The following HEMK2 variants were observed in gnomAD, a reference collection of about 807,000 sequenced individuals.
HEMK2 encodes methyltransferase HEMK2.
At chr21:28,605,549 T>C in the HEMK2 span, among the ~76,000 whole-genome samples, 1 of 152,226 alleles carries the variant, frequency 6.6e-6, no homozygotes, top group Admixed American at 6.5e-5. Flanking sequence ...TTTTCAGCTC[T>C]TTAAACATGA....
the HEMK2 span, among the ~76,000 whole-genome samples, chr21:28,850,866 A>G: frequency 6.6e-6 from 1 of 151,932 alleles, no homozygotes; most frequent in Non-Finnish European, 1.5e-5. Flanking sequence ...GAACTCCCCA[A>G]GAAGCTATCA....
chr21:28,629,330 T>C, the HEMK2 span, among the ~76,000 whole-genome samples: 2 of 152,326 alleles, frequency 1.3e-5, no homozygotes, highest in East Asian at 3.9e-4. Context: ...AGTGCTGTGG[T>C]GTTGTCTCCA....
At chr21:28,791,765 C>T in the HEMK2 span, among the ~76,000 whole-genome samples, 2 of 151,920 alleles carry the variant, frequency 1.3e-5, no homozygotes, top group Admixed American at 1.3e-4. Flanking sequence ...CCACTGTGCC[C>T]AAATTACCAG....
chr21:28,876,301 T>C, the HEMK2 span: 2 of 903,380 alleles, frequency 2.2e-6, no homozygotes, highest in Non-Finnish European at 3.3e-6. Context: ...TCTGATAAAA[T>C]TCCTTGTTAC....
the HEMK2 span, among the ~76,000 whole-genome samples, chr21:28,661,720 G>A: frequency 5.3e-5 from 8 of 151,982 alleles, no homozygotes; most frequent in South Asian, 4.2e-4. Flanking sequence ...GGAACTTTAC[G>A]TGATGACAGA....
chr21:28,694,762 C>T, the HEMK2 span, among the ~76,000 whole-genome samples: 1 of 152,070 alleles, frequency 6.6e-6, no homozygotes, highest in Non-Finnish European at 1.5e-5. Context: ...AAGGCTGAGG[C>T]GGGAGGATCA....
the HEMK2 span, among the ~76,000 whole-genome samples, chr21:28,829,874 G>A: frequency 3.3e-5 from 5 of 152,010 alleles, no homozygotes; most frequent in Non-Finnish European, 5.9e-5. Flanking sequence ...TTTCATTTTG[G>A]CAAACTGTCA....
At chr21:28,879,487 C>T in the HEMK2 span, among the ~76,000 whole-genome samples, 14 of 152,186 alleles carry the variant, frequency 9.2e-5, no homozygotes, top group African/African-American at 1.2e-4. Flanking sequence ...GGTAATCTGC[C>T]GCCTCGGCCT....
At chr21:28,835,296 A>G in the HEMK2 span, among the ~76,000 whole-genome samples, 1 of 152,162 alleles carries the variant, frequency 6.6e-6, no homozygotes, top group Admixed American at 6.6e-5. Context: ...TGAGAGACAC[A>G]TAGATGGTTC....
the HEMK2 span, among the ~76,000 whole-genome samples, chr21:28,858,984 C>A: frequency 2.6e-5 from 4 of 152,190 alleles, no homozygotes; most frequent in Admixed American, 6.5e-5. Flanking sequence ...GGTTCCAATT[C>A]TTTAATTGAT....
chr21:28,788,118 ATGTATATATG>A, the HEMK2 span, among the ~76,000 whole-genome samples: 1 of 151,418 alleles, frequency 6.6e-6, no homozygotes, highest in Non-Finnish European at 1.5e-5. Context: ...TCCATCATAT[ATGTATATATG>A]TGTATATATG....
At chr21:28,863,073 A>AT in the HEMK2 span, among the ~76,000 whole-genome samples, 3 of 152,084 alleles carry the variant, frequency 2.0e-5, no homozygotes, top group African/African-American at 7.2e-5. Flanking sequence ...GATACAAAGG[A>AT]TTGATCCTGG....
chr21:28,751,085 G>C, the HEMK2 span, among the ~76,000 whole-genome samples: 27 of 152,018 alleles, frequency 1.8e-4, no homozygotes, highest in Non-Finnish European at 3.7e-4. Flanking sequence ...CAAAAAATTA[G>C]CCGGGCGTGG....
chr21:28,629,797 C>T, the HEMK2 span, among the ~76,000 whole-genome samples: 78,150 of 151,812 alleles, frequency 0.51, 21,525 homozygotes, highest in African/African-American at 0.71. Context: ...TCCAGGTTTC[C>T]GCAGGGGCCT....
At chr21:28,826,694 C>T in the HEMK2 span, among the ~76,000 whole-genome samples, 5 of 152,120 alleles carry the variant, frequency 3.3e-5, no homozygotes, top group East Asian at 1.9e-4. Context: ...TCACAAAATC[C>T]GAAAGCAAAC....
chr21:28,818,545 C>A, the HEMK2 span, among the ~76,000 whole-genome samples: 1 of 152,024 alleles, frequency 6.6e-6, no homozygotes, highest in Non-Finnish European at 1.5e-5. Flanking sequence ...AGCCTGAGAC[C>A]CTCCTCACCT....
At chr21:28,830,625 C>A in the HEMK2 span, among the ~76,000 whole-genome samples, 1 of 152,122 alleles carries the variant, frequency 6.6e-6, no homozygotes, top group East Asian at 1.9e-4. Context: ...CGCCTGTAAT[C>A]CCAGCACTTT....
At chr21:28,670,798 G>C in the HEMK2 span, among the ~76,000 whole-genome samples, 6 of 152,330 alleles carry the variant, frequency 3.9e-5, no homozygotes, top group East Asian at 1.2e-3. Flanking sequence ...CAGCAGGCAA[G>C]AGAGAGCATG....
the HEMK2 span, among the ~76,000 whole-genome samples, chr21:28,585,402 G>A: frequency 1.3e-5 from 2 of 151,800 alleles, no homozygotes; most frequent in African/African-American, 2.4e-5. Flanking sequence ...CACCTTCAGT[G>A]AAAATCAGCT....
Sources: allele counts gnomAD v4.1 joint callset (sites outside exome capture counted in the v4.1 genomes callset), GRCh38; gene constraint gnomAD v4.1.1; transcripts MANE v1.5; gene names NCBI Gene and HGNC (gene_info 2026-07-23, HGNC 2026-07-21).